RBMS3: variants seen among roughly 807,000 people sequenced by gnomAD.
RBMS3 encodes the protein RNA binding motif single stranded interacting protein 3.
A neutral mutation model predicts 66.8 loss-of-function variants in RBMS3; 27 were observed. The ratio of observed to expected loss-of-function variants is 0.40; its 90% CI spans 0.30 to 0.56. The LOEUF (loss-of-function observed/expected upper bound fraction) is 0.56. Ranked by LOEUF, RBMS3 falls within the 20% of genes least tolerant of loss-of-function variation. RBMS3 has a pLI of 0.40. For missense variants in RBMS3, 513 were observed against 549.5 expected, an observed-to-expected ratio of 0.93 and a Z score of 0.66; for synonymous variants, 188 against 183.0, an observed-to-expected ratio of 1.03 and a Z score of -0.22.
At chr3:29,571,234 G>A (rs771443879) in intron 3 of RBMS3, among the ~76,000 whole-genome samples, 14 of 152,078 alleles carry the variant, frequency 9.2e-5, no homozygotes, top group Non-Finnish European at 7.4e-5. Flanking sequence ...CAATCTGTCA[G>A]ATGGGTAGTT....
chr3:29,386,864 G>A (rs77356243), intron 1 of RBMS3, among the ~76,000 whole-genome samples: 1,555 of 152,166 alleles, frequency 0.01, 20 homozygotes, highest in African/African-American at 0.036. Flanking sequence ...TTTTGTCAAC[G>A]TCATCAAAGA....
chr3:29,798,023 G>T (rs931882053), intron 6 of RBMS3, among the ~76,000 whole-genome samples: 2 of 151,684 alleles, frequency 1.3e-5, no homozygotes, highest in African/African-American at 4.8e-5. Context: ...GAGGCCTGAG[G>T]ACAAAGAAAG....
intron 6 of RBMS3, among the ~76,000 whole-genome samples, chr3:29,789,296 C>A (rs2056925280): frequency 6.6e-6 from 1 of 151,754 alleles, no homozygotes; most frequent in African/African-American, 2.4e-5. Flanking sequence ...ATATATAATG[C>A]CCATACTGAG....
intron 6 of RBMS3, among the ~76,000 whole-genome samples, chr3:29,775,233 C>A (rs1576768321): frequency 6.7e-6 from 1 of 148,376 alleles, no homozygotes; most frequent in East Asian, 2.0e-4. Flanking sequence ...ATGAGTTCTA[C>A]CAGTTTTTTT....
At chr3:29,531,493 C>T (rs2045350378) in intron 3 of RBMS3, among the ~76,000 whole-genome samples, 1 of 152,158 alleles carries the variant, frequency 6.6e-6, no homozygotes, top group African/African-American at 2.4e-5. Context: ...AATTTTTTCA[C>T]TTCATTTATG....
intron 4 of RBMS3, among the ~76,000 whole-genome samples, chr3:29,684,184 GT>G (rs1449266329): frequency 6.6e-6 from 1 of 152,104 alleles, no homozygotes; most frequent in East Asian, 1.9e-4. Context: ...AATTTTAATA[GT>G]TATGGTGTTG....
intron 5 of RBMS3, among the ~76,000 whole-genome samples, chr3:29,743,224 T>G (rs997968043): frequency 6.6e-6 from 1 of 152,356 alleles, no homozygotes; most frequent in South Asian, 2.1e-4. Flanking sequence ...AATTTGATCA[T>G]TCACAACTTA....
intron 10 of RBMS3, among the ~76,000 whole-genome samples, chr3:29,908,979 A>G (rs2060451846): frequency 6.6e-6 from 1 of 152,148 alleles, no homozygotes; most frequent in South Asian, 2.1e-4. Flanking sequence ...CAATGACATA[A>G]AGATGACCTT....
At chr3:29,948,326 C>T (rs1165655525) in intron 12 of RBMS3, among the ~76,000 whole-genome samples, 2 of 151,714 alleles carry the variant, frequency 1.3e-5, no homozygotes, top group African/African-American at 2.4e-5. Context: ...TCTAAGTTTG[C>T]ATTGGAAAGC....
chr3:29,520,747 T>G (rs1485743569), intron 3 of RBMS3, among the ~76,000 whole-genome samples: 3 of 152,196 alleles, frequency 2.0e-5, no homozygotes, highest in Non-Finnish European at 2.9e-5. Context: ...GCTGATTTCT[T>G]TGTGATATTA....
chr3:29,300,268 C>A, intron 1 of RBMS3, among the ~76,000 whole-genome samples: 1 of 151,842 alleles, frequency 6.6e-6, no homozygotes, highest in Non-Finnish European at 1.5e-5. Flanking sequence ...GATAATGTAT[C>A]AAAAGCTTTA....
At chr3:29,891,812 A>G (rs1181227317) in intron 8 of RBMS3, among the ~76,000 whole-genome samples, 1 of 151,574 alleles carries the variant, frequency 6.6e-6, no homozygotes, top group Non-Finnish European at 1.5e-5. Context: ...ATCTAATGTG[A>G]AGGATACGTT....
chr3:29,470,046 A>G (rs1460987256), intron 2 of RBMS3, among the ~76,000 whole-genome samples: 1 of 148,496 alleles, frequency 6.7e-6, no homozygotes, highest in Admixed American at 6.7e-5. Flanking sequence ...AAAGAATAAT[A>G]TACTGATTAT....
At chr3:29,985,480 G>A (rs189149462) in intron 12 of RBMS3, among the ~76,000 whole-genome samples, 6 of 152,224 alleles carry the variant, frequency 3.9e-5, no homozygotes, top group Non-Finnish European at 7.4e-5. Flanking sequence ...TAGTGGTGTA[G>A]GCACCCAAGA....
intron 4 of RBMS3, among the ~76,000 whole-genome samples, chr3:29,669,946 G>T (rs1474199794): frequency 5.3e-5 from 8 of 152,052 alleles, no homozygotes; most frequent in Admixed American, 2.0e-4. Context: ...GCCAAACTTC[G>T]CATTTTCAAA....
At chr3:29,620,150 C>T (rs2048817240) in intron 4 of RBMS3, among the ~76,000 whole-genome samples, 1 of 152,064 alleles carries the variant, frequency 6.6e-6, no homozygotes, top group African/African-American at 2.4e-5. Flanking sequence ...ATATTAAAGG[C>T]AAGAATAAAT....
chr3:29,551,839 A>G (rs2149032840), intron 3 of RBMS3, among the ~76,000 whole-genome samples: 1 of 152,348 alleles, frequency 6.6e-6, no homozygotes, highest in East Asian at 1.9e-4. Context: ...TGTACATGTC[A>G]CTTTATCCTG....
At chr3:29,542,830 T>C (rs978415222) in intron 3 of RBMS3, among the ~76,000 whole-genome samples, 2 of 152,258 alleles carry the variant, frequency 1.3e-5, no homozygotes, top group African/African-American at 4.8e-5. Context: ...TGTCAAAGAC[T>C]AGCCTCTTGC....
At chr3:29,418,689 C>T (rs1196083502) in intron 1 of RBMS3, among the ~76,000 whole-genome samples, 1 of 152,054 alleles carries the variant, frequency 6.6e-6, no homozygotes, top group African/African-American at 2.4e-5. Context: ...GAAATAAGGA[C>T]ATAACTCTAG....
Sources: gnomAD v4.1 joint callset for allele counts (sites outside exome capture counted in the v4.1 genomes callset) on GRCh38, gnomAD v4.1.1 for gene constraint, MANE v1.5 for transcripts, NCBI Gene and HGNC (gene_info 2026-07-23, HGNC 2026-07-21) for gene names.